PUDP: variants seen among roughly 807,000 people sequenced by gnomAD.
PUDP encodes the protein pseudouridine 5'-phosphatase.
A neutral mutation model predicts 9.4 loss-of-function variants in PUDP; 8 were observed. The ratio of observed to expected loss-of-function variants is 0.85; its 90% CI spans 0.50 to 1.53. The LOEUF is 1.53. Ranked by LOEUF, PUDP falls within the 40% of genes most tolerant of loss-of-function variation. PUDP has a pLI of 0.00. For missense variants in PUDP, 188 were observed against 189.7 expected (o/e 0.99, Z 0.05); for synonymous variants, 99 against 80.7 (o/e 1.23, Z -1.22).
chrX:6,958,562 C>G (rs368897141), intron 3 of PUDP, among the ~76,000 whole-genome samples: 3 of 110,541 alleles, frequency 2.7e-5, no homozygotes, highest in East Asian at 2.8e-4. Flanking sequence ...GAAACCCAGT[C>G]TCTACTAAAA....
intron 3 of PUDP, among the ~76,000 whole-genome samples, chrX:6,753,011 T>A (rs1373815477): frequency 2.7e-5 from 3 of 111,461 alleles, no homozygotes; most frequent in Non-Finnish European, 5.6e-5. Flanking sequence ...CATTTTTTTT[T>A]AAGTGCCTAG....
intron 3 of PUDP, among the ~76,000 whole-genome samples, chrX:6,750,888 C>G (rs1354751603): frequency 1.8e-5 from 2 of 111,341 alleles, no homozygotes; most frequent in African/African-American, 3.3e-5. Flanking sequence ...ACCTCCAATC[C>G]CAGCACTTTG....
intron 1 of PUDP, among the ~76,000 whole-genome samples, chrX:6,979,690 T>C (rs1436024665): frequency 8.9e-6 from 1 of 111,828 alleles, no homozygotes; most frequent in African/African-American, 3.2e-5. Flanking sequence ...GCATTGCTGA[T>C]AGGCGAGGAC....
intron 3 of PUDP, among the ~76,000 whole-genome samples, chrX:6,928,443 G>A (rs1437189358): frequency 1.8e-5 from 2 of 111,382 alleles, no homozygotes; most frequent in Non-Finnish European, 3.8e-5. Context: ...TTTGGTTTCT[G>A]AGCTCTAACA....
chrX:6,946,459 A>T (rs1440645977), intron 3 of PUDP, among the ~76,000 whole-genome samples: 3 of 112,022 alleles, frequency 2.7e-5, no homozygotes, highest in Non-Finnish European at 5.6e-5. Flanking sequence ...CAGCCACCCT[A>T]CAGGCTACAA....
chrX:7,114,212 T>C (rs1350606892), intron 1 of PUDP, among the ~76,000 whole-genome samples: 2 of 111,505 alleles, frequency 1.8e-5, no homozygotes, highest in East Asian at 5.7e-4. Flanking sequence ...GTAGCTGGGA[T>C]TACAAGTGCA....
chrX:6,939,435 G>A (rs1220964008), intron 3 of PUDP, among the ~76,000 whole-genome samples: 6 of 105,342 alleles, frequency 5.7e-5, no homozygotes, highest in Admixed American at 1.0e-4. Flanking sequence ...ACATTATTTT[G>A]TGATTCCTTA....
intron 1 of PUDP, among the ~76,000 whole-genome samples, chrX:7,119,589 T>A (rs1932286187): frequency 8.9e-6 from 1 of 112,444 alleles, no homozygotes; most frequent in Admixed American, 9.4e-5. Flanking sequence ...AGAGAAAAAA[T>A]AATAAATATG....
chrX:6,802,579 T>C (rs974888812), intron 3 of PUDP, among the ~76,000 whole-genome samples: 2 of 110,230 alleles, frequency 1.8e-5, no homozygotes, highest in African/African-American at 3.3e-5. Flanking sequence ...TGTGGGAAAA[T>C]GGTAACATAA....
rs907788208 is a variant in PUDP at position 6,874,337 on chromosome X, A to G, written c.*247+102796T>C. ...CAGTAGACATCCTTTCACAGAGAAA[A>G]TAGAAGTCAAGAACCCCATCTGAGT... On this transcript the variant is annotated intron_variant and NMD_transcript_variant, in intron 3 of 3. Transcript: ENST00000655425. 4.5e-5 allele frequency among the ~76,000 whole-genome samples: 5 copies of G among 111,989 alleles called. No homozygotes were observed. In the South Asian group the frequency reaches 1.9e-3, roughly 42 times the overall value.
At chrX:7,085,399 A>C (rs1671832559) in intron 2 of PUDP, 1 of 112,290 alleles carries the variant, frequency 8.9e-6, no homozygotes, top group African/African-American at 3.2e-5. Flanking sequence ...TGGCAAGTCC[A>C]CGAGCCTTCG....
chrX:7,035,363 C>T (rs1602723095), intron 1 of PUDP, among the ~76,000 whole-genome samples: 1 of 111,855 alleles, frequency 8.9e-6, no homozygotes, highest in Admixed American at 9.6e-5. Context: ...GAAATGAATA[C>T]ACATGCTGTA....
intron 1 of PUDP, among the ~76,000 whole-genome samples, chrX:7,108,469 C>T: frequency 9.0e-6 from 1 of 111,084 alleles, no homozygotes; most frequent in Middle Eastern, 4.6e-3. Flanking sequence ...CCTGCACTCC[C>T]CATCTTCCTT....
intron 1 of PUDP, among the ~76,000 whole-genome samples, chrX:7,023,401 A>C (rs1297647354): frequency 4.5e-5 from 5 of 112,342 alleles, no homozygotes; most frequent in African/African-American, 1.6e-4. Context: ...GAATGGATGC[A>C]TATGTGAGAT....
At chrX:6,825,987 C>A (rs1378728744) in intron 3 of PUDP, among the ~76,000 whole-genome samples, 1 of 111,980 alleles carries the variant, frequency 8.9e-6, no homozygotes, top group Non-Finnish European at 1.9e-5. Flanking sequence ...TAAACTAATA[C>A]TAAGAAATTT....
intron 3 of PUDP, among the ~76,000 whole-genome samples, chrX:6,783,680 G>A (rs951741899): frequency 2.7e-5 from 3 of 112,057 alleles, no homozygotes; most frequent in East Asian, 2.8e-4. Context: ...TGCTTTTCCC[G>A]TTAGGACTCA....
intron 1 of PUDP, among the ~76,000 whole-genome samples, chrX:7,038,565 T>C (rs1569143758): frequency 9.0e-6 from 1 of 111,713 alleles, no homozygotes; most frequent in Non-Finnish European, 1.9e-5. Context: ...TTGACTGATG[T>C]AAACAAACTA....
chrX:6,996,611 T>C lies in PUDP; in HGVS notation c.205-18268A>G, dbSNP rs1929254211. Among the ~76,000 whole-genome samples the C allele has an allele frequency of 3.0e-5, 3 of 100,519 alleles. No individual in the cohort carries two copies. The South Asian group carries it at 1.3e-3, about 42-fold the overall frequency. 87.3% of individuals were successfully genotyped at this position (100,519 alleles called of 115,157 possible). A position where few individuals can be genotyped will look rare whatever the true frequency, so the allele number is the denominator to read the frequency against. ...ATATACATTTTTATACATACATATG[T>C]ATATATATATATGTGTGTGTATATA... On this transcript the variant is annotated intron_variant and NMD_transcript_variant, in intron 1 of 3. Transcript: ENST00000655425.
chrX:7,047,479 G>C (rs1929998240), downstream of PUDP, among the ~76,000 whole-genome samples: 1 of 111,974 alleles, frequency 8.9e-6, no homozygotes, highest in African/African-American at 3.3e-5. Flanking sequence ...CTATTCAAGA[G>C]ACTCATAAAG....
Sources: gnomAD v4.1 joint callset for allele counts (sites outside exome capture counted in the v4.1 genomes callset) on GRCh38, gnomAD v4.1.1 for gene constraint, MANE v1.5 for transcripts, NCBI Gene and HGNC (gene_info 2026-07-23, HGNC 2026-07-21) for gene names.